The following IARS2 variants were observed in gnomAD, a reference collection of about 807,000 sequenced individuals.
IARS2 encodes the protein isoleucine--tRNA ligase, mitochondrial.
Under a neutral mutation model 126.3 loss-of-function variants are expected in IARS2, and 56 were observed. That is an observed-to-expected ratio of 0.44 (90% CI 0.36 to 0.55). The LOEUF is 0.55. IARS2 is among the 20% of genes least tolerant of loss of function. The probability of loss-of-function intolerance (pLI) is 0.00; values close to 1 mark genes in which losing one functional copy is unlikely to be tolerated. For synonymous variants in IARS2, 407 were observed against 441.1 expected (o/e 0.92, Z 0.97); for missense variants, 1,127 against 1,245.9 (o/e 0.90, Z 1.44).
chr1:220,138,523 A>AT, intron 17 of IARS2, among the ~76,000 whole-genome samples: 1 of 152,036 alleles, frequency 6.6e-6, no homozygotes, highest in Middle Eastern at 3.4e-3. Context: ...CATTGGTAGT[A>AT]ATACCAGTAA....
Position 220,140,205 on chromosome 1 carries a change from A to G in IARS2, c.2330A>G (p.Tyr777Cys). The change falls in exon 19 of 23, where the codon TAT (tyrosine) becomes TGT (cysteine). Residue 777 changes from tyrosine (Y) to cysteine (C), a missense_variant. By Grantham distance (194) the Tyr-to-Cys change is radical. Transcript: ENST00000366922. ...TAGATTACCGAATTATACAAACAAT[A>G]TGATTTTGGAAAAGTTGTTCGGCTG... ...ANKITELYKQ[Y>C]DFGKVVRLLR... 2 of 1,611,440 alleles carry G rather than the reference A, an allele frequency of 1.2e-6. No individual in the cohort carries two copies. The highest frequency in any genetic ancestry group is 1.7e-6 in the Non-Finnish European group (2 of 1,177,674).
At chr1:220,140,384 TGA>T (rs1290134825) in intron 19 of IARS2, 95 bp downstream of exon 19, 22 of 733,444 alleles carry the variant, frequency 3.0e-5, no homozygotes, top group East Asian at 1.3e-4. Flanking sequence ...GGCGGGTGGA[TGA>T]CATGAGGCCA....
chr1:220,131,087 T>C (rs1444743537), intron 14 of IARS2, among the ~76,000 whole-genome samples: 1 of 152,202 alleles, frequency 6.6e-6, no homozygotes, highest in African/African-American at 2.4e-5. Context: ...TGTTTCCTTA[T>C]GAATTTTAGG....
intron 11 of IARS2, among the ~76,000 whole-genome samples, chr1:220,114,074 G>C (rs1158331053): frequency 6.6e-6 from 1 of 152,050 alleles, no homozygotes; most frequent in African/African-American, 2.4e-5. Context: ...ATGCAACAAT[G>C]CTCCTGATAT....
At chr1:220,096,681 T>G (rs1467161687) in intron 2 of IARS2, among the ~76,000 whole-genome samples, 2 of 152,118 alleles carry the variant, frequency 1.3e-5, no homozygotes, top group Admixed American at 6.6e-5. Flanking sequence ...TCAGTGGAAA[T>G]TTTGGGGAGG....
At chr1:220,133,774 G>GTA (rs917598577) in intron 14 of IARS2, among the ~76,000 whole-genome samples, 6 of 152,112 alleles carry the variant, frequency 3.9e-5, no homozygotes, top group African/African-American at 1.4e-4. Flanking sequence ...TATATCCTAT[G>GTA]TATATATATG....
intron 17 of IARS2, 24 bp from the exon 18 acceptor site, chr1:220,138,984 C>T: frequency 1.3e-6 from 2 of 1,592,624 alleles, no homozygotes; most frequent in Non-Finnish European, 1.7e-6. Context: ...TTTTTAACTG[C>T]ATATTTTTTC....
In IARS2 at chr1:220,130,530, T is replaced by C. The variant is rs571522783; in HGVS notation, c.1837+3687T>C. ...TAAGTCTCTCTTTTGAGTTGATTTT[T>C]GTATATGGTGAGAGGTAGGGGTCTA... On this transcript the variant is annotated intron_variant, in intron 14 of 22. Transcript: ENST00000366922. Among the ~76,000 whole-genome samples the C allele has an allele frequency of 2.0e-5, 3 of 152,240 alleles. No homozygotes were observed. The East Asian group carries it at 5.8e-4, about 29-fold the overall frequency.
intron 18 of IARS2, among the ~76,000 whole-genome samples, chr1:220,139,888 G>A (rs1229599145): frequency 2.6e-5 from 4 of 152,286 alleles, no homozygotes; most frequent in Non-Finnish European, 5.9e-5. Flanking sequence ...TGAATTGTTG[G>A]TGACGTCCAC....
At chr1:220,096,961 C>T (rs1020771828) in intron 2 of IARS2, among the ~76,000 whole-genome samples, 2 of 151,440 alleles carry the variant, frequency 1.3e-5, no homozygotes, top group African/African-American at 2.4e-5. Flanking sequence ...CAGGAGAATG[C>T]CGTGAACCCG....
At chr1:220,132,641 C>T (rs1657293156) in intron 14 of IARS2, among the ~76,000 whole-genome samples, 1 of 150,860 alleles carries the variant, frequency 6.6e-6, no homozygotes, top group Non-Finnish European at 1.5e-5. Flanking sequence ...TTCTCTGCCT[C>T]ATTCCTCCCA....
At chr1:220,139,276 C>A (rs1346758388) in intron 18 of IARS2, 137 bp downstream of exon 18, 2 of 550,764 alleles carry the variant, frequency 3.6e-6, no homozygotes, top group Non-Finnish European at 5.9e-6. Context: ...TATGTCCAGA[C>A]TTCCCCTCGG....
chr1:220,118,195 T>C (rs988852268), intron 12 of IARS2: 2 of 507,210 alleles, frequency 3.9e-6, no homozygotes, highest in Non-Finnish European at 8.2e-6. Context: ...CCACTGGAAA[T>C]TGGTACACAG....
At position 220,147,799 on chromosome 1, in the gene IARS2, G is replaced by C; in HGVS notation, c.*164G>C. ...CAGAATTATAGAAGAAGTATTTCCT[G>C]TAACTATAGAAAGAATTATGTATAT... On this transcript the variant is annotated 3_prime_UTR_variant, in exon 23 of 23. Transcript: ENST00000366922. 1.6e-6 allele frequency: 1 copy of C among 638,664 alleles called. No individual in the cohort carries two copies. The allele number at this position is 638,664 out of a possible 1,614,324, so 39.6% of individuals were successfully genotyped here.
At chr1:220,112,369 C>G (rs1219482572) in intron 11 of IARS2, among the ~76,000 whole-genome samples, 1 of 62,968 alleles carries the variant, frequency 1.6e-5, no homozygotes, top group East Asian at 4.5e-4. Flanking sequence ...CTCCTGACCT[C>G]ATGATCCACC....
intron 10 of IARS2, among the ~76,000 whole-genome samples, chr1:220,109,412 A>G (rs569020085): frequency 6.6e-6 from 1 of 152,196 alleles, no homozygotes; most frequent in South Asian, 2.1e-4. Context: ...AAAAAAAAAA[A>G]AAATCTGCCA....
intron 19 of IARS2, 139 bp from the exon 20 acceptor site, chr1:220,141,664 G>A (rs1400020839): frequency 2.4e-6 from 2 of 828,796 alleles, no homozygotes; most frequent in Non-Finnish European, 3.9e-6. Context: ...GTAGGAGAGT[G>A]TATTGTATTC....
Position 220,103,753 on chromosome 1 carries a change from T to G in IARS2, c.1066+191T>G, listed in dbSNP as rs58256586. Among the ~76,000 whole-genome samples the G allele has an allele frequency of 0.051, 7,815 of 152,276 alleles. 245 individuals are homozygous for G. Among genetic ancestry groups the G allele is most frequent in the East Asian group, 0.11 (569 of 5,182 alleles). ...ATAGGAGTATAGAAAAATATGAATA[T>G]TGATAAATGTACAACAGGTAAAACT... On this transcript the variant is annotated intron_variant, in intron 8 of 22. Transcript: ENST00000366922.
intron 21 of IARS2, chr1:220,143,445 T>C (rs1018377654): frequency 8.6e-5 from 18 of 208,094 alleles, no homozygotes; most frequent in Non-Finnish European, 9.7e-6. Flanking sequence ...CCATATTCTT[T>C]TCCATGTCTT....
Sources: allele counts gnomAD v4.1 joint callset (sites outside exome capture counted in the v4.1 genomes callset), GRCh38; gene constraint gnomAD v4.1.1; transcripts MANE v1.5; gene names NCBI Gene and HGNC (gene_info 2026-07-23, HGNC 2026-07-21).